Variants in LINGO2 observed in about 807,000 individuals in gnomAD.
The protein encoded by LINGO2 is leucine-rich repeat and immunoglobulin-like domain-containing nogo receptor-interacting protein 2.
A neutral mutation model predicts 30.6 loss-of-function variants in LINGO2; 14 were observed. The ratio of observed to expected loss-of-function variants is 0.46; its 90% CI spans 0.30 to 0.72. The LOEUF is 0.72. Among genes scored for constraint, LINGO2 ranks in the 30% least tolerant of loss-of-function variants. The probability of loss-of-function intolerance (pLI) is 0.07; values close to 1 mark genes in which losing one functional copy is unlikely to be tolerated. For synonymous variants in LINGO2, 317 were observed against 288.5 expected, an observed-to-expected ratio of 1.10 and a Z score of -1.00; for missense variants, 729 against 751.7, an observed-to-expected ratio of 0.97 and a Z score of 0.35.
At chr9:28,536,678 A>C (rs1456817825) in intron 1 of LINGO2, among the ~76,000 whole-genome samples, 1 of 152,144 alleles carries the variant, frequency 6.6e-6, no homozygotes, top group Non-Finnish European at 1.5e-5. Context: ...TTTTTGTCAA[A>C]ATCTAGTTAA....
At chr9:27,938,947 GAAGGA>G in the LINGO2 span, 1 of 152,170 alleles carries the variant, frequency 6.6e-6, no homozygotes, top group African/African-American at 2.4e-5. Flanking sequence ...TCAAGGATGA[GAAGGA>G]AAGGACCGAG....
chr9:28,247,278 C>G (rs2133996320), intron 4 of LINGO2, among the ~76,000 whole-genome samples: 1 of 152,190 alleles, frequency 6.6e-6, no homozygotes, highest in East Asian at 1.9e-4. Context: ...ATAAATCATT[C>G]TATTATAAAG....
At chr9:29,074,819 C>A in the LINGO2 span, among the ~76,000 whole-genome samples, 3 of 150,720 alleles carry the variant, frequency 2.0e-5, no homozygotes, top group African/African-American at 4.9e-5. Flanking sequence ...AGGCACCCAC[C>A]ACCACACCTA....
At chr9:27,957,404 C>T (rs1257380371) in intron 5 of LINGO2, among the ~76,000 whole-genome samples, 1 of 152,150 alleles carries the variant, frequency 6.6e-6, no homozygotes, top group African/African-American at 2.4e-5. Context: ...AGAGATTCTC[C>T]TGCCTCAGCC....
At chr9:29,071,519 G>GTATATATATATATATATA in the LINGO2 span, among the ~76,000 whole-genome samples, 1 of 75,182 alleles carries the variant, frequency 1.3e-5, no homozygotes, top group Middle Eastern at 7.1e-3. Flanking sequence ...ATATATATAT[G>GTATATATATATATATATA]TATATGTATA....
the LINGO2 span, among the ~76,000 whole-genome samples, chr9:29,201,015 A>G: frequency 1.3e-5 from 2 of 151,958 alleles, no homozygotes; most frequent in African/African-American, 4.8e-5. Flanking sequence ...TATCACTATG[A>G]TCACCACAGT....
intron 2 of LINGO2, among the ~76,000 whole-genome samples, chr9:28,375,358 C>T (rs1821088253): frequency 6.6e-6 from 1 of 152,192 alleles, no homozygotes; most frequent in Admixed American, 6.5e-5. Flanking sequence ...TTAGAAGGAG[C>T]AGTAACTCAT....
intron 1 of LINGO2, among the ~76,000 whole-genome samples, chr9:28,532,109 C>T (rs1821256704): frequency 6.6e-6 from 1 of 152,038 alleles, no homozygotes; most frequent in South Asian, 2.1e-4. Context: ...AGCAAGGACT[C>T]TCATTTTAAT....
intron 4 of LINGO2, among the ~76,000 whole-genome samples, chr9:28,093,574 C>G (rs1030637345): frequency 1.3e-5 from 2 of 151,746 alleles, no homozygotes; most frequent in Admixed American, 1.3e-4. Flanking sequence ...TAATATTTTT[C>G]TAATTAATTA....
At chr9:29,154,290 AC>A in the LINGO2 span, among the ~76,000 whole-genome samples, 2 of 138,492 alleles carry the variant, frequency 1.4e-5, no homozygotes, top group Non-Finnish European at 3.1e-5. Context: ...TACTAAAAAT[AC>A]AAAAAAAAAT....
chr9:28,355,307 C>CTCTCTCTCTCTCTCTCTGTCTCTG (rs1820138276), intron 3 of LINGO2, among the ~76,000 whole-genome samples: 1 of 48,176 alleles, frequency 2.1e-5, no homozygotes, highest in Non-Finnish European at 5.7e-5. Flanking sequence ...ATGTCTCTCT[C>CTCTCTCTCTCTCTCTCTGTCTCTG]TCTCTCTCTC....
At chr9:28,572,039 T>A (rs531455367) in intron 1 of LINGO2, among the ~76,000 whole-genome samples, 2 of 152,144 alleles carry the variant, frequency 1.3e-5, no homozygotes, top group South Asian at 4.1e-4. Flanking sequence ...ATGAAAAATA[T>A]GAATGATAGA....
intron 1 of LINGO2, among the ~76,000 whole-genome samples, chr9:28,478,252 G>T (rs1825800869): frequency 2.0e-5 from 3 of 152,030 alleles, no homozygotes; most frequent in African/African-American, 7.2e-5. Context: ...ATTTATATGT[G>T]ATTTTAACTA....
intron 5 of LINGO2, among the ~76,000 whole-genome samples, chr9:27,960,196 T>TA (rs574542282): frequency 5.3e-4 from 80 of 152,228 alleles, no homozygotes; most frequent in African/African-American, 1.7e-3. Flanking sequence ...TTAAGATTTT[T>TA]AAAAAAACAA....
chr9:28,641,650 T>C (rs551491582), intron 1 of LINGO2, among the ~76,000 whole-genome samples: 1 of 152,296 alleles, frequency 6.6e-6, no homozygotes, highest in African/African-American at 2.4e-5. Context: ...AGCAATATCA[T>C]GGAGATTTTT....
In LINGO2 at chr9:28,217,913, A is replaced by T. The variant is rs900605729; in HGVS notation, c.-87+77295T>A. ...AAGGTACCTAGGTTTGAAAAACTAG[A>T]ATAATTATCTATTATAAGAATTAAG... is the stretch of plus-strand genomic sequence containing the variant. On this transcript the variant is annotated intron_variant, in intron 4 of 5. Coordinates refer to ENST00000379992, the Ensembl canonical transcript of LINGO2. Among the ~76,000 whole-genome samples, 8 of 152,034 alleles carry T rather than the reference A, an allele frequency of 5.3e-5. No homozygotes were observed. The South Asian group carries it at 1.7e-3, about 32-fold the overall frequency.
At chr9:29,018,133 G>A in the LINGO2 span, among the ~76,000 whole-genome samples, 8 of 147,416 alleles carry the variant, frequency 5.4e-5, no homozygotes, top group South Asian at 8.5e-4. Context: ...CATGTTCTTT[G>A]TGGCAATATG....
chr9:28,663,361 G>C (rs1828662004), intron 1 of LINGO2, among the ~76,000 whole-genome samples: 2 of 152,074 alleles, frequency 1.3e-5, no homozygotes, highest in Non-Finnish European at 2.9e-5. Flanking sequence ...AGTAGAGATG[G>C]GGTATCACCA....
the LINGO2 span, among the ~76,000 whole-genome samples, chr9:28,846,972 G>A: frequency 6.8e-6 from 1 of 147,474 alleles, no homozygotes; most frequent in Non-Finnish European, 1.5e-5. Context: ...CCATGGCAGA[G>A]GGAAAAGAAC....
Sources: allele counts gnomAD v4.1 joint callset (sites outside exome capture counted in the v4.1 genomes callset), GRCh38; gene constraint gnomAD v4.1.1; transcripts MANE v1.5; gene names NCBI Gene and HGNC (gene_info 2026-07-23, HGNC 2026-07-21).